Variants in C12orf42 observed in about 807,000 individuals in gnomAD.
C12orf42 encodes uncharacterized protein C12orf42.
A neutral mutation model predicts 21.6 loss-of-function variants in C12orf42; 25 were observed. The observed-to-expected ratio is 1.16, with a 90% CI of 0.84 to 1.62. The LOEUF (loss-of-function observed/expected upper bound fraction) is 1.62. Ranked by LOEUF, C12orf42 falls within the 40% of genes most tolerant of loss-of-function variation. C12orf42 has a pLI of 0.00. For synonymous variants in C12orf42, 174 were observed against 175.0 expected (o/e 0.99, Z 0.05); for missense variants, 483 against 459.3 (o/e 1.05, Z -0.47).
chr12:103,103,814 T>C, the C12orf42 span, among the ~76,000 whole-genome samples: 3 of 152,014 alleles, frequency 2.0e-5, no homozygotes, highest in African/African-American at 4.8e-5. Flanking sequence ...CTTTTTTTTT[T>C]TTTTTCAGAC....
the C12orf42 span, among the ~76,000 whole-genome samples, chr12:103,207,159 G>A: frequency 1.3e-5 from 2 of 152,192 alleles, no homozygotes; most frequent in African/African-American, 4.8e-5. Flanking sequence ...CCAGACAGAG[G>A]TTGCTCCCTC....
the C12orf42 span, among the ~76,000 whole-genome samples, chr12:103,525,275 T>G: frequency 6.6e-6 from 1 of 152,116 alleles, no homozygotes; most frequent in Admixed American, 6.5e-5. Context: ...AGTGATCCTC[T>G]TGCCTGTGCC....
At chr12:103,120,820 T>A in the C12orf42 span, among the ~76,000 whole-genome samples, 1 of 150,300 alleles carries the variant, frequency 6.7e-6, no homozygotes, top group Non-Finnish European at 1.5e-5. Flanking sequence ...ATGTATTATA[T>A]ACTATAATAA....
rs145634298 is a variant in C12orf42, at chr12:103,486,184, C to T, written c.-21-7737G>A. ...TTTATTGAGAGTTTTTAGCACGAAG[C>T]GCTGTTGAATTTTCTCAAAGGCCTT... is the stretch of plus-strand genomic sequence containing the variant. On this transcript the variant is annotated intron_variant, in intron 1 of 5. Transcript: ENST00000548883. Among the ~76,000 whole-genome samples the T allele has an allele frequency of 2.9e-3, 439 of 152,148 alleles. 1 individual carries two copies. The highest frequency in any genetic ancestry group is 6.8e-3 in the Middle Eastern group (2 of 294).
chr12:103,466,970 C>T (rs1290110288), intron 2 of C12orf42, among the ~76,000 whole-genome samples: 1 of 152,226 alleles, frequency 6.6e-6, no homozygotes, highest in African/African-American at 2.4e-5. Context: ...AGTCAACAGC[C>T]AACACACCCC....
At chr12:103,306,752 G>A (rs535643222) in intron 4 of C12orf42, among the ~76,000 whole-genome samples, 25 of 152,192 alleles carry the variant, frequency 1.6e-4, no homozygotes, top group East Asian at 3.9e-4. Flanking sequence ...GTCCTAACCC[G>A]CAGCACCTGT....
intron 5 of C12orf42, among the ~76,000 whole-genome samples, chr12:103,272,432 C>A (rs1262273584): frequency 6.6e-6 from 1 of 152,178 alleles, no homozygotes; most frequent in Non-Finnish European, 1.5e-5. Flanking sequence ...CAATTTCATC[C>A]TTTGATGAAG....
chr12:103,096,444 G>A, the C12orf42 span, among the ~76,000 whole-genome samples: 4 of 152,092 alleles, frequency 2.6e-5, no homozygotes, highest in South Asian at 8.3e-4. Context: ...TTGGCCTTGA[G>A]GCACTGTGAA....
intron 2 of C12orf42, among the ~76,000 whole-genome samples, chr12:103,425,533 C>T (rs2139211487): frequency 6.6e-6 from 1 of 152,328 alleles, no homozygotes; most frequent in East Asian, 1.9e-4. Flanking sequence ...GCTGGTGATA[C>T]TCAGGCAAAC....
chr12:103,158,003 T>C, the C12orf42 span, among the ~76,000 whole-genome samples: 1 of 152,234 alleles, frequency 6.6e-6, no homozygotes, highest in Admixed American at 6.5e-5. Flanking sequence ...TATTTTCTTA[T>C]GATTTTTTAA....
chr12:103,090,693 AT>A, the C12orf42 span, among the ~76,000 whole-genome samples: 1,195 of 149,946 alleles, frequency 8.0e-3, 15 homozygotes, highest in African/African-American at 0.025. Flanking sequence ...AGGTTAAGGC[AT>A]TTTTTTTTTC....
At chr12:103,486,813 A>G (rs1026825212) in intron 1 of C12orf42, among the ~76,000 whole-genome samples, 1 of 151,980 alleles carries the variant, frequency 6.6e-6, no homozygotes, top group Non-Finnish European at 1.5e-5. Context: ...GATATCCCCT[A>G]TATGATTTTT....
downstream of C12orf42, among the ~76,000 whole-genome samples, chr12:103,298,412 C>T (rs555535340): frequency 1.3e-5 from 2 of 152,142 alleles, no homozygotes; most frequent in Non-Finnish European, 2.9e-5. Flanking sequence ...TGTGAAGGAC[C>T]TCTTCAAGGA....
At chr12:103,413,099 T>G (rs1398120975) in intron 2 of C12orf42, among the ~76,000 whole-genome samples, 1 of 152,238 alleles carries the variant, frequency 6.6e-6, no homozygotes, top group African/African-American at 2.4e-5. Context: ...AGCTGTTACA[T>G]TTAAATCTTT....
chr12:103,081,905 T>C, the C12orf42 span, among the ~76,000 whole-genome samples: 1 of 152,230 alleles, frequency 6.6e-6, no homozygotes, highest in East Asian at 1.9e-4. Context: ...ATGTTTTGCA[T>C]TGTGGTTCAA....
chr12:103,177,190 G>A, the C12orf42 span, among the ~76,000 whole-genome samples: 1 of 152,058 alleles, frequency 6.6e-6, no homozygotes, highest in African/African-American at 2.4e-5. Flanking sequence ...CTCCCAAGAG[G>A]AAAACAAATA....
At chr12:103,073,749 G>T in the C12orf42 span, among the ~76,000 whole-genome samples, 1 of 152,066 alleles carries the variant, frequency 6.6e-6, no homozygotes, top group Admixed American at 6.6e-5. Context: ...CATATTCATG[G>T]AAAATAAGTA....
chr12:103,140,376 T>C, the C12orf42 span, among the ~76,000 whole-genome samples: 1 of 152,188 alleles, frequency 6.6e-6, no homozygotes, highest in Non-Finnish European at 1.5e-5. Flanking sequence ...TGCCAACCTA[T>C]GTCTCTTAAT....
chr12:103,146,580 GAA>G, the C12orf42 span, among the ~76,000 whole-genome samples: 9 of 148,484 alleles, frequency 6.1e-5, no homozygotes, highest in Non-Finnish European at 1.2e-4. Context: ...AAGAAAGAAA[GAA>G]AGAAAGAAAG....
Sources: allele counts gnomAD v4.1 joint callset (sites outside exome capture counted in the v4.1 genomes callset), GRCh38; gene constraint gnomAD v4.1.1; transcripts MANE v1.5; gene names NCBI Gene and HGNC (gene_info 2026-07-23, HGNC 2026-07-21).